The following PFKP variants were observed in gnomAD, a reference collection of about 807,000 sequenced individuals.
The protein encoded by PFKP is phosphofructokinase, platelet.
PFKP carries 101 observed loss-of-function variants against 94.3 expected under a neutral mutation model. That is an observed-to-expected ratio of 1.07 (90% CI 0.91 to 1.26). PFKP has a LOEUF of 1.26. Among genes scored for constraint, PFKP ranks in the 50% most tolerant of loss-of-function variants. The pLI is 0.00. For synonymous variants in PFKP, 573 were observed against 432.6 expected, an observed-to-expected ratio of 1.32 and a Z score of -4.03; for missense variants, 1,145 against 1,103.3, an observed-to-expected ratio of 1.04 and a Z score of -0.53.
intron 2 of PFKP, among the ~76,000 whole-genome samples, chr10:3,098,599 C>T (rs562981841): frequency 5.6e-5 from 8 of 143,262 alleles, no homozygotes; most frequent in Admixed American, 2.3e-4. Flanking sequence ...CACTTCAACC[C>T]GGGAGGCAGG....
intron 2 of PFKP, among the ~76,000 whole-genome samples, chr10:3,086,658 G>T (rs1005956598): frequency 2.6e-5 from 4 of 152,094 alleles, no homozygotes; most frequent in African/African-American, 7.2e-5. Flanking sequence ...TAAACCAAGC[G>T]CACACTGTGT....
intron 10 of PFKP, among the ~76,000 whole-genome samples, chr10:3,111,223 C>T (rs1836203546): frequency 2.6e-5 from 4 of 151,276 alleles, no homozygotes; most frequent in Admixed American, 2.6e-4. Flanking sequence ...TGTGTGTGTG[C>T]AGGTATGTTT....
At chr10:3,092,692 GA>G (rs200773452) in intron 2 of PFKP, among the ~76,000 whole-genome samples, 13 of 133,516 alleles carry the variant, frequency 9.7e-5, no homozygotes, top group African/African-American at 1.6e-4. Flanking sequence ...AAATATGGGG[GA>G]AAAAAACCTT....
At chr10:3,130,711 C>T (rs1178653540) in intron 17 of PFKP, among the ~76,000 whole-genome samples, 1 of 152,176 alleles carries the variant, frequency 6.6e-6, no homozygotes, top group Non-Finnish European at 1.5e-5. Context: ...AGGCACGTGC[C>T]ACCACGCCCA....
rs558268706 is a variant in PFKP at position 3,076,181 on chromosome 10, C to A, written c.113-6207C>A. 2.6e-5 allele frequency among the ~76,000 whole-genome samples: 4 copies of A among 152,274 alleles called. No individual in the cohort carries two copies. The East Asian group carries it at 7.7e-4, about 29-fold the overall frequency. On this transcript the variant is annotated intron_variant, in intron 1 of 21. Coordinates refer to ENST00000381125, the MANE Select transcript of PFKP (RefSeq NM_002627.5). Reference sequence around the variant, plus strand: ...ACCCAGTGTGTAAAGAAGCTTAAAGCACATCTCCATGTGGACGGGACGCAC... The same window carrying A: ...ACCCAGTGTGTAAAGAAGCTTAAAGAACATCTCCATGTGGACGGGACGCAC...
chr10:3,132,325 A>C lies in PFKP; in HGVS notation c.1849-55A>C. 3.1e-6 allele frequency: 4 copies of C among 1,298,224 alleles called. No individual in the cohort carries two copies. In the South Asian group the frequency reaches 4.7e-5, roughly 15 times the overall value. 80.4% of individuals were successfully genotyped at this position (1,298,224 alleles called of 1,614,324 possible). ...CTTCCCAGCCTGCAGTGCCTGGCAC[A>C]CAGTAGGTACTTAGTAGAAGTTTAT... On this transcript the variant is annotated intron_variant, in intron 17 of 21. Coordinates refer to ENST00000381125, the MANE Select transcript of PFKP (RefSeq NM_002627.5).
chr10:3,107,549 C>G (rs1407982068), intron 8 of PFKP, among the ~76,000 whole-genome samples: 2 of 152,254 alleles, frequency 1.3e-5, no homozygotes, highest in Admixed American at 6.5e-5. Context: ...GACTCCCCAG[C>G]AGACAGAGGG....
rs577308285 is a variant in PFKP, at chr10:3,127,294, G to C, written c.1684-2525G>C. Among the ~76,000 whole-genome samples, 11 of 152,352 alleles carry C rather than the reference G, an allele frequency of 7.2e-5. 1 individual carries two copies. The highest frequency in any genetic ancestry group is 2.6e-4 in the African/African-American group (11 of 41,586). On this transcript the variant is annotated intron_variant, in intron 16 of 21. Transcript: ENST00000381125. ...GGCGTGGCTCAGGTGTCAGGGCTGC[G>C]CTGTTCCACAGCCCCCTGGGGCAGC...
intron 1 of PFKP, among the ~76,000 whole-genome samples, chr10:3,069,698 C>T (rs1832039890): frequency 6.6e-6 from 1 of 151,772 alleles, no homozygotes; most frequent in South Asian, 2.1e-4. Context: ...TCCTGGGCAA[C>T]ATAGTGAGAC....
At position 3,089,728 on chromosome 10, in the gene PFKP, T is replaced by A. The variant is rs568760445; in HGVS notation, c.186+7267T>A. ...ATATCGTATACAATGTTATACATTATGTATAACATTATTATATATTATTAA... is the reference window on the plus strand; with the variant it reads ...ATATCGTATACAATGTTATACATTAAGTATAACATTATTATATATTATTAA... On this transcript the variant is annotated intron_variant, in intron 2 of 21. Coordinates refer to ENST00000381125, the MANE Select transcript of PFKP (RefSeq NM_002627.5). 2.7e-4 allele frequency among the ~76,000 whole-genome samples: 40 copies of A among 150,480 alleles called. No individual in the cohort carries two copies. The South Asian group carries it at 7.7e-3, about 29-fold the overall frequency.
intron 1 of PFKP, among the ~76,000 whole-genome samples, chr10:3,077,865 C>T (rs933745301): frequency 3.9e-5 from 6 of 152,154 alleles, no homozygotes; most frequent in African/African-American, 7.2e-5. Context: ...CCTATGAAAC[C>T]GCTCCCTCAT....
chr10:3,074,704 A>G (rs1406899004), intron 1 of PFKP, among the ~76,000 whole-genome samples: 3 of 152,236 alleles, frequency 2.0e-5, no homozygotes, highest in African/African-American at 7.2e-5. Context: ...AGACACAGGC[A>G]GGTGGGGGTT....
chr10:3,077,176 C>T (rs1832659193), intron 1 of PFKP, among the ~76,000 whole-genome samples: 2 of 149,848 alleles, frequency 1.3e-5, no homozygotes, highest in African/African-American at 2.5e-5. Flanking sequence ...AGGCAGGGAG[C>T]TTTATTACTC....
intron 2 of PFKP, among the ~76,000 whole-genome samples, chr10:3,084,060 T>G (rs1833294596): frequency 1.3e-5 from 2 of 152,240 alleles, no homozygotes; most frequent in South Asian, 4.1e-4. Context: ...TCCCCGTTTT[T>G]TAAGCTATTG....
chr10:3,112,330 C>T lies in PFKP; in HGVS notation c.1154+44C>T, dbSNP rs371219059. On this transcript the variant is annotated intron_variant, in intron 11 of 21. Transcript: ENST00000381125. ...AGCTCTGCCCTGTCAGGAACACACA[C>T]CCCTCAGGCCCAGCCACTGCAAACG... is the stretch of plus-strand genomic sequence containing the variant. The T allele has an allele frequency of 3.5e-4, 504 of 1,432,876 alleles. 2 individuals are homozygous for T. In the South Asian group the frequency reaches 4.7e-3, roughly 13 times the overall value. 88.8% of individuals were successfully genotyped at this position (1,432,876 alleles called of 1,614,324 possible).
In PFKP at chr10:3,103,401, C is replaced by T. The variant is rs937258665; in HGVS notation, c.455-378C>T. 5.3e-5 allele frequency among the ~76,000 whole-genome samples: 8 copies of T among 152,160 alleles called. 1 individual carries two copies. Among genetic ancestry groups the T allele is most frequent in the Non-Finnish European group, 7.3e-5 (5 of 68,034 alleles). Reference sequence around the variant, plus strand: ...GTGGCTCACACCTATAATCCCAGCACTTTGGAAGGCCAAGGCAGAAGGACC... The same window carrying T: ...GTGGCTCACACCTATAATCCCAGCATTTTGGAAGGCCAAGGCAGAAGGACC... On this transcript the variant is annotated intron_variant, in intron 4 of 21. Transcript: ENST00000381125.
In PFKP at chr10:3,118,990, C is replaced by T. The variant is rs1185031618; in HGVS notation, c.1530+121C>T. 36 of 680,820 alleles carry T rather than the reference C, an allele frequency of 5.3e-5. 2 individuals are homozygous for T. The highest frequency in any genetic ancestry group is 3.9e-4 in the South Asian group (20 of 51,504). 42.2% of individuals were successfully genotyped at this position (680,820 alleles called of 1,614,324 possible). ...CGAGATGATAGGTTCCCAGACCCAG[C>T]GGCCACTGGAGAATTGTAGAACAGC... is the stretch of plus-strand genomic sequence containing the variant. On this transcript the variant is annotated intron_variant, in intron 15 of 21. Transcript: ENST00000381125.
chr10:3,119,840 C>T lies in PFKP; in HGVS notation c.1531-52C>T, dbSNP rs916060970. 329 of 1,584,836 alleles carry T rather than the reference C, an allele frequency of 2.1e-4. 1 individual carries two copies. The highest frequency in any genetic ancestry group is 2.7e-4 in the Non-Finnish European group (316 of 1,157,256). ...GCTCCCAGCCTCTCCCAGCGAGACC[C>T]TCTCCTCCCCAGCTTCCCTCTCGCC... On this transcript the variant is annotated intron_variant, in intron 15 of 21. Transcript: ENST00000381125.
chr10:3,067,694 C>G lies in PFKP; in HGVS notation c.99C>G (p.Gly33=), dbSNP rs1242602076. ...AGKAIGVLTS[G]GDAQGMNAAV... Reference sequence around the variant, plus strand: ...AGGCCATCGGCGTGCTGACCAGCGGCGGGGATGCTCAAGGTGCGCGCCCCC... The same window carrying G: ...AGGCCATCGGCGTGCTGACCAGCGGGGGGGATGCTCAAGGTGCGCGCCCCC... Residue 33 remains glycine (G), a synonymous_variant, in exon 1 of 22, where the codon GGC becomes GGG. Transcript: ENST00000381125. 4.7e-6 allele frequency: 7 copies of G among 1,504,722 alleles called. No individual in the cohort carries two copies. The highest frequency in any genetic ancestry group is 1.2e-5 in the South Asian group (1 of 80,724). 93.2% of individuals were successfully genotyped at this position (1,504,722 alleles called of 1,614,324 possible).
Sources: gnomAD v4.1 joint callset for allele counts (sites outside exome capture counted in the v4.1 genomes callset) on GRCh38, gnomAD v4.1.1 for gene constraint, MANE v1.5 for transcripts, NCBI Gene and HGNC (gene_info 2026-07-23, HGNC 2026-07-21) for gene names.